Variants in EFCAB11 observed in about 807,000 individuals in gnomAD.
EFCAB11 encodes the protein EF-hand calcium binding domain 11.
A neutral mutation model predicts 23.0 loss-of-function variants in EFCAB11; 14 were observed. The ratio of observed to expected loss-of-function variants is 0.61; its 90% CI spans 0.40 to 0.95. The LOEUF is 0.95. Among genes scored for constraint, EFCAB11 ranks in the 40% least tolerant of loss-of-function variants. The pLI, the probability that EFCAB11 is intolerant of heterozygous loss-of-function variation, is 0.00. For synonymous variants in EFCAB11, 65 were observed against 66.6 expected, an observed-to-expected ratio of 0.98 and a Z score of 0.11; for missense variants, 198 against 195.8, an observed-to-expected ratio of 1.01 and a Z score of -0.07.
intron 5 of EFCAB11, among the ~76,000 whole-genome samples, chr14:89,820,598 C>T (rs1183546834): frequency 6.6e-6 from 1 of 152,032 alleles, no homozygotes; most frequent in African/African-American, 2.4e-5. Flanking sequence ...TCCCACTCGG[C>T]CCACATAATA....
At chr14:89,826,026 C>A (rs1337459252) in intron 5 of EFCAB11, among the ~76,000 whole-genome samples, 1 of 152,002 alleles carries the variant, frequency 6.6e-6, no homozygotes, top group East Asian at 1.9e-4. Flanking sequence ...CAGGTTTCTG[C>A]CCTAATGGAG....
At chr14:89,873,318 T>C (rs1437475008) in intron 5 of EFCAB11, among the ~76,000 whole-genome samples, 1 of 151,972 alleles carries the variant, frequency 6.6e-6, no homozygotes, top group East Asian at 1.9e-4. Context: ...TTCAATTACC[T>C]CCCACCAGCT....
chr14:89,889,849 G>A (rs1348460006), intron 5 of EFCAB11, among the ~76,000 whole-genome samples: 2 of 152,202 alleles, frequency 1.3e-5, no homozygotes, highest in Non-Finnish European at 1.5e-5. Context: ...CTCCACTGGA[G>A]GGGAACAATG....
At chr14:89,837,728 T>C (rs770647781) in intron 5 of EFCAB11, among the ~76,000 whole-genome samples, 9 of 152,006 alleles carry the variant, frequency 5.9e-5, no homozygotes, top group Non-Finnish European at 1.0e-4. Context: ...ACTATGGCCA[T>C]TGTGAGATTG....
chr14:89,848,391 C>G (rs950447817), intron 5 of EFCAB11: 1 of 152,098 alleles, frequency 6.6e-6, no homozygotes, highest in African/African-American at 2.4e-5. Flanking sequence ...TGCTGCAGAA[C>G]TGGCTTGAAT....
chr14:89,813,261 G>A (rs1886210266), intron 5 of EFCAB11, among the ~76,000 whole-genome samples: 1 of 152,176 alleles, frequency 6.6e-6, no homozygotes, highest in Admixed American at 6.5e-5. Flanking sequence ...AGAACCAGGA[G>A]CTGTAAAAAT....
intron 5 of EFCAB11, among the ~76,000 whole-genome samples, chr14:89,800,442 T>C (rs571614272): frequency 2.0e-4 from 31 of 152,140 alleles, no homozygotes; most frequent in Non-Finnish European, 3.8e-4. Flanking sequence ...AAGCAGGAAA[T>C]TGTGAACCAA....
intron 2 of EFCAB11, among the ~76,000 whole-genome samples, chr14:89,950,532 A>G (rs1891131949): frequency 6.6e-6 from 1 of 152,192 alleles, no homozygotes; most frequent in African/African-American, 2.4e-5. Flanking sequence ...TTATAAAAGT[A>G]TCACATGATT....
chr14:89,941,495 T>C (rs1021702216), intron 3 of EFCAB11, among the ~76,000 whole-genome samples: 1 of 152,150 alleles, frequency 6.6e-6, no homozygotes, highest in Non-Finnish European at 1.5e-5. Context: ...GGTCTGGTAC[T>C]TACTAGCTAC....
At chr14:89,824,506 A>C (rs1411881673) in intron 5 of EFCAB11, among the ~76,000 whole-genome samples, 1 of 152,102 alleles carries the variant, frequency 6.6e-6, no homozygotes, top group African/African-American at 2.4e-5. Flanking sequence ...AGAAATAGGA[A>C]ATGTGAAGAT....
chr14:89,891,908 C>T (rs1888980493), intron 5 of EFCAB11, among the ~76,000 whole-genome samples: 1 of 152,142 alleles, frequency 6.6e-6, no homozygotes, highest in Non-Finnish European at 1.5e-5. Flanking sequence ...CGCCCCACAG[C>T]CCAAGCCCGA....
chr14:89,807,685 A>G (rs1316995184), intron 5 of EFCAB11, among the ~76,000 whole-genome samples: 2 of 152,218 alleles, frequency 1.3e-5, no homozygotes, highest in African/African-American at 2.4e-5. Context: ...TTGTCAAATA[A>G]TGCTTATTTT....
intron 5 of EFCAB11, among the ~76,000 whole-genome samples, chr14:89,825,102 CAA>C (rs35074143): frequency 2.2e-4 from 13 of 60,226 alleles, no homozygotes; most frequent in East Asian, 6.2e-4. Flanking sequence ...ATGCTGGGAC[CAA>C]AAAAAAAAAA....
intron 5 of EFCAB11, among the ~76,000 whole-genome samples, chr14:89,834,059 A>T (rs1886972049): frequency 6.6e-6 from 1 of 152,188 alleles, no homozygotes; most frequent in Admixed American, 6.5e-5. Flanking sequence ...TGTATCCCTT[A>T]AAGAAAAGTT....
intron 5 of EFCAB11, among the ~76,000 whole-genome samples, chr14:89,825,313 A>G (rs1175172520): frequency 3.9e-5 from 6 of 152,140 alleles, no homozygotes; most frequent in Admixed American, 2.6e-4. Context: ...AAAATCCAAC[A>G]TATCAGAATT....
chr14:89,853,297 A>G (rs1172099119), intron 5 of EFCAB11, among the ~76,000 whole-genome samples: 1 of 152,212 alleles, frequency 6.6e-6, no homozygotes, highest in East Asian at 1.9e-4. Context: ...CTGCTCGGCA[A>G]AGGGTCTGGA....
At chr14:89,823,137 G>A (rs1319546950) in intron 5 of EFCAB11, among the ~76,000 whole-genome samples, 2 of 152,148 alleles carry the variant, frequency 1.3e-5, no homozygotes, top group Non-Finnish European at 1.5e-5. Flanking sequence ...CCAGTGTGTA[G>A]TAAAAGAGGA....
chr14:89,886,662 A>T (rs1296584986), intron 5 of EFCAB11, among the ~76,000 whole-genome samples: 1 of 152,120 alleles, frequency 6.6e-6, no homozygotes, highest in Non-Finnish European at 1.5e-5. Flanking sequence ...AGATAAAGGG[A>T]AGTGGCTGAA....
At chr14:89,915,199 T>C (rs975944694) in intron 5 of EFCAB11, among the ~76,000 whole-genome samples, 3 of 152,210 alleles carry the variant, frequency 2.0e-5, no homozygotes, top group African/African-American at 7.2e-5. Context: ...TGGAGTCAGA[T>C]GTTACACAAC....
Sources: allele counts gnomAD v4.1 joint callset (sites outside exome capture counted in the v4.1 genomes callset), GRCh38; gene constraint gnomAD v4.1.1; transcripts MANE v1.5; gene names NCBI Gene and HGNC (gene_info 2026-07-23, HGNC 2026-07-21).